Variants in SHANK2 observed in about 807,000 individuals in gnomAD.
SHANK2 encodes the protein SH3 and multiple ankyrin repeat domains protein 2.
SHANK2 carries 43 observed loss-of-function variants against 133.7 expected under a neutral mutation model. That is an observed-to-expected ratio of 0.32 (90% CI 0.25 to 0.41). The LOEUF is 0.41. Ranked by LOEUF, SHANK2 falls within the 10% of genes least tolerant of loss-of-function variation. SHANK2 has a pLI of 1.00. For missense variants in SHANK2, 1,994 were observed against 2,235.8 expected, an observed-to-expected ratio of 0.89 and a Z score of 2.18; for synonymous variants, 1,017 against 952.8, an observed-to-expected ratio of 1.07 and a Z score of -1.24.
intron 10 of SHANK2, among the ~76,000 whole-genome samples, chr11:70,951,436 G>C (rs1950839116): frequency 7.4e-6 from 1 of 134,328 alleles, no homozygotes; most frequent in Admixed American, 6.9e-5. Flanking sequence ...ATTTCCCCTG[G>C]CTGCTGTGTG....
rs553499504 is a variant in SHANK2 at position 70,889,009 on chromosome 11, T to G, written c.1174+7492A>C. ...TAACAGCCTGAGAAGACAAAAGTCA[T>G]GAAGCAATGTGAGTTCCCTAGAGTG... On this transcript the variant is annotated intron_variant, in intron 11 of 25. Coordinates refer to ENST00000601538, the MANE Select transcript of SHANK2 (RefSeq NM_012309.5). Among the ~76,000 whole-genome samples, 45 of 152,228 alleles carry G rather than the reference T, an allele frequency of 3.0e-4. 3 individuals are homozygous for G. The South Asian group carries it at 8.9e-3, about 30-fold the overall frequency.
chr11:70,489,577 G>A lies in SHANK2; in HGVS notation c.2552-229C>T, dbSNP rs1023850963. On this transcript the variant is annotated intron_variant, in intron 23 of 25. Transcript: ENST00000601538. ...GAACACACAGGACAGTGCCCCTGGG[G>A]TGGGCTGGGCAGACCAGAGTCCCAG... 1.4e-4 allele frequency: 81 copies of A among 585,232 alleles called. No individual in the cohort carries two copies. In the Middle Eastern group the frequency reaches 1.8e-3, roughly 13 times the overall value. The allele number at this position is 585,232 out of a possible 1,614,324, so 36.3% of individuals were successfully genotyped here. A position where few individuals can be genotyped will look rare whatever the true frequency, so the allele number is the denominator to read the frequency against.
At chr11:70,851,666 T>C (rs1429984521) in intron 11 of SHANK2, among the ~76,000 whole-genome samples, 1 of 152,208 alleles carries the variant, frequency 6.6e-6, no homozygotes, top group Non-Finnish European at 1.5e-5. Flanking sequence ...TGGACTTTTA[T>C]GGAAAAGACA....
Position 71,188,893 on chromosome 11 carries a change from T to C in SHANK2, c.-13+35804A>G, listed in dbSNP as rs1000312399. Among the ~76,000 whole-genome samples the C allele has an allele frequency of 6.6e-6, 1 of 151,970 alleles. No homozygotes were observed. Among genetic ancestry groups the C allele is most frequent in the Non-Finnish European group, 1.5e-5 (1 of 67,994 alleles). On this transcript the variant is annotated intron_variant, in intron 2 of 25. Transcript: ENST00000601538. This position sits in a 1 kb window ranked among gnomAD's most constrained non-coding sequence, Gnocchi z 4.6. ...GAGGCAAGTGATGGGTCAAGGTGGG[T>C]GGAAGCAAACCCTGGGGTTCTCTCA...
intron 17 of SHANK2, among the ~76,000 whole-genome samples, chr11:70,503,715 C>T (rs188867346): frequency 3.8e-4 from 58 of 152,346 alleles, no homozygotes; most frequent in East Asian, 2.7e-3. Context: ...GAAGTAGGAA[C>T]GGACTCAGGG....
intron 17 of SHANK2, among the ~76,000 whole-genome samples, chr11:70,537,954 T>G (rs908182496): frequency 6.6e-6 from 1 of 152,290 alleles, no homozygotes; most frequent in African/African-American, 2.4e-5. Flanking sequence ...TAGCTGGATT[T>G]ACATTGAGAG....
At chr11:71,169,427 T>C (rs1307767270) in intron 2 of SHANK2, among the ~76,000 whole-genome samples, 1 of 152,152 alleles carries the variant, frequency 6.6e-6, no homozygotes, top group Non-Finnish European at 1.5e-5. Context: ...GACTCCAAAA[T>C]ATGTATGTAC....
intron 14 of SHANK2, among the ~76,000 whole-genome samples, chr11:70,774,318 T>C (rs1555043451): frequency 6.7e-6 from 1 of 149,214 alleles, no homozygotes; most frequent in African/African-American, 2.5e-5. Flanking sequence ...AATCGGGGAG[T>C]GACTTTTGTT....
intron 14 of SHANK2, among the ~76,000 whole-genome samples, chr11:70,704,380 T>C (rs1161604454): frequency 2.0e-5 from 3 of 152,240 alleles, no homozygotes; most frequent in South Asian, 4.1e-4. Flanking sequence ...ATAGCTTCTC[T>C]GGGGACACAG....
intron 17 of SHANK2, among the ~76,000 whole-genome samples, chr11:70,623,341 C>T (rs148798748): frequency 1.3e-5 from 2 of 152,116 alleles, no homozygotes; most frequent in Non-Finnish European, 2.9e-5. Flanking sequence ...CCTTCCCTGC[C>T]GGCCAGCACT....
chr11:71,093,658 C>T (rs1408779619), intron 7 of SHANK2, among the ~76,000 whole-genome samples: 7 of 152,214 alleles, frequency 4.6e-5, no homozygotes, highest in Non-Finnish European at 8.8e-5. Context: ...CTTCCTGAGG[C>T]CTCCCTGGAA....
chr11:71,072,070 G>A (rs1283340735), intron 9 of SHANK2, among the ~76,000 whole-genome samples: 3 of 152,164 alleles, frequency 2.0e-5, no homozygotes, highest in African/African-American at 7.2e-5. Flanking sequence ...GAAAAAAGAA[G>A]GCACGGACAG....
At chr11:70,599,261 TA>T (rs1565165069) in intron 17 of SHANK2, among the ~76,000 whole-genome samples, 1 of 152,018 alleles carries the variant, frequency 6.6e-6, no homozygotes, top group African/African-American at 2.4e-5. Flanking sequence ...GGAATAAATC[TA>T]AAAAAGGTTT....
chr11:70,730,664 TCTC>T (rs1555031934), intron 14 of SHANK2, among the ~76,000 whole-genome samples: 1 of 152,012 alleles, frequency 6.6e-6, no homozygotes. Flanking sequence ...CAGGCCAGCA[TCTC>T]CTCCTCTCCC....
intron 10 of SHANK2, among the ~76,000 whole-genome samples, chr11:70,901,394 T>C (rs1484433082): frequency 5.9e-5 from 9 of 152,220 alleles, no homozygotes; most frequent in Non-Finnish European, 1.5e-5. Flanking sequence ...CCACAGAATC[T>C]TCTATGGTGA....
chr11:71,205,415 C>T (rs574477936), intron 2 of SHANK2, among the ~76,000 whole-genome samples: 4 of 152,318 alleles, frequency 2.6e-5, no homozygotes, highest in East Asian at 1.9e-4. Flanking sequence ...CCCTGCTGGG[C>T]GCTCCTGCGA....
At chr11:70,699,712 ATG>A (rs1945478659) in intron 14 of SHANK2, among the ~76,000 whole-genome samples, 1 of 152,248 alleles carries the variant, frequency 6.6e-6, no homozygotes, top group South Asian at 2.1e-4. Flanking sequence ...CACACCTTTC[ATG>A]TGCCCAGAGG....
chr11:71,169,474 G>T (rs1953262505), intron 2 of SHANK2, among the ~76,000 whole-genome samples: 1 of 152,170 alleles, frequency 6.6e-6, no homozygotes, highest in Non-Finnish European at 1.5e-5. Context: ...ACCAAGCTGG[G>T]TGCGGTGGCT....
Position 70,825,071 on chromosome 11 carries a change from G to A in SHANK2, c.1175-4389C>T, listed in dbSNP as rs1438356387. On this transcript the variant is annotated intron_variant, in intron 11 of 25. Coordinates refer to ENST00000601538, the MANE Select transcript of SHANK2 (RefSeq NM_012309.5). The stretch of plus-strand genomic sequence containing the variant: ...CACGGAAACGCTGCCTCCCACAGCC[G>A]ACTGCCTCACGCCCAGCTTCCCCGC... 3.3e-5 allele frequency among the ~76,000 whole-genome samples: 5 copies of A among 152,218 alleles called. No individual in the cohort carries two copies. In the East Asian group the frequency reaches 5.8e-4, roughly 18 times the overall value.
Sources: allele counts gnomAD v4.1 joint callset (sites outside exome capture counted in the v4.1 genomes callset), GRCh38; gene constraint gnomAD v4.1.1; non-coding constraint Gnocchi (gnomAD v3.1); transcripts MANE v1.5; gene names NCBI Gene and HGNC (gene_info 2026-07-23, HGNC 2026-07-21).